Variants in PUM2 observed in about 807,000 individuals in gnomAD.
The protein encoded by PUM2 is pumilio RNA binding family member 2.
Under a neutral mutation model 124.5 loss-of-function variants are expected in PUM2, and 57 were observed. The observed-to-expected ratio is 0.46, with a 90% CI of 0.37 to 0.57. The LOEUF is 0.57. PUM2 is among the 20% of genes least tolerant of loss of function. The probability of loss-of-function intolerance (pLI) is 0.00; values close to 1 mark genes in which losing one functional copy is unlikely to be tolerated. For missense variants in PUM2, 1,065 were observed against 1,290.6 expected, an observed-to-expected ratio of 0.83 and a Z score of 2.68; for synonymous variants, 460 against 446.1, an observed-to-expected ratio of 1.03 and a Z score of -0.39.
intron 7 of PUM2, among the ~76,000 whole-genome samples, chr2:20,307,108 CA>C (rs1678518047): frequency 6.6e-6 from 1 of 151,964 alleles, no homozygotes. Context: ...CCCAGCTACT[CA>C]GAAGGCTGAG....
chr2:20,351,648 G>T (rs11686757), upstream of PUM2, among the ~76,000 whole-genome samples: 20,113 of 152,220 alleles, frequency 0.13, 1,751 homozygotes, highest in East Asian at 0.24. Flanking sequence ...GGTGATTCCA[G>T]GATTCTAACC....
intron 9 of PUM2, among the ~76,000 whole-genome samples, chr2:20,293,363 T>C (rs1674699581): frequency 6.6e-6 from 1 of 152,226 alleles, no homozygotes; most frequent in African/African-American, 2.4e-5. Context: ...TGAAGTGATA[T>C]GATGTCAAAG....
At chr2:20,289,084 A>C (rs961891254) in intron 10 of PUM2, among the ~76,000 whole-genome samples, 1 of 152,074 alleles carries the variant, frequency 6.6e-6, no homozygotes, top group Admixed American at 6.5e-5. Context: ...TGAGGTCAGG[A>C]GTTCAAGACC....
At chr2:20,273,729 A>C (rs937361539) in intron 13 of PUM2, among the ~76,000 whole-genome samples, 2 of 152,188 alleles carry the variant, frequency 1.3e-5, no homozygotes, top group African/African-American at 4.8e-5. Context: ...GATTCTGTTG[A>C]GAGTCGGGTG....
At position 20,256,149 on chromosome 2, in the gene PUM2, C is replaced by T; in HGVS notation, c.2506G>A (p.Asp836Asn). 6.3e-7 allele frequency: 1 copy of T among 1,595,056 alleles called. No homozygotes were observed. The highest frequency in any genetic ancestry group is 8.5e-7 in the Non-Finnish European group (1 of 1,173,828). ...TTCACACATTTGAGCACATGACCATCCAGCTCCTTTACCATTTCACTCTGC... is the reference window on the plus strand; with the variant it reads ...TTCACACATTTGAGCACATGACCATTCAGCTCCTTTACCATTTCACTCTGC... ...DQQSEMVKEL[D>N]GHVLKCVKDQ... Residue 836 changes from aspartate to asparagine, a missense_variant, in exon 17 of 21, where the codon GAT becomes AAT. Asp to Asn is a conservative substitution (Grantham distance 23). Coordinates refer to ENST00000361078, the MANE Select transcript of PUM2 (RefSeq NM_015317.5).
At chr2:20,271,692 T>C (rs1173641657) in intron 13 of PUM2, among the ~76,000 whole-genome samples, 1 of 152,172 alleles carries the variant, frequency 6.6e-6, no homozygotes, top group Non-Finnish European at 1.5e-5. Context: ...TAAAGATCAA[T>C]TGTTAGCAAG....
chr2:20,341,075 T>C (rs1424586564), intron 1 of PUM2, among the ~76,000 whole-genome samples: 1 of 152,222 alleles, frequency 6.6e-6, no homozygotes. Context: ...CCCAACACTT[T>C]GGTTGGCCAA....
chr2:20,298,203 G>A (rs376567119), intron 7 of PUM2, among the ~76,000 whole-genome samples: 1 of 152,216 alleles, frequency 6.6e-6, no homozygotes, highest in African/African-American at 2.4e-5. Flanking sequence ...TCTGGGCACA[G>A]AGAGGAGGAA....
chr2:20,261,660 G>A (rs1666318280), intron 14 of PUM2, among the ~76,000 whole-genome samples: 1 of 152,048 alleles, frequency 6.6e-6, no homozygotes. Flanking sequence ...AAGAAGACAT[G>A]GAGTTAGAAC....
intron 14 of PUM2, among the ~76,000 whole-genome samples, chr2:20,260,778 G>A (rs914875393): frequency 3.3e-5 from 5 of 152,078 alleles, no homozygotes; most frequent in African/African-American, 9.7e-5. Context: ...AATATACAAT[G>A]TATTACTAAA....
chr2:20,288,524 G>A (rs986072660), intron 10 of PUM2, among the ~76,000 whole-genome samples: 1 of 152,148 alleles, frequency 6.6e-6, no homozygotes, highest in African/African-American at 2.4e-5. Context: ...AGGATGAACA[G>A]GCAGAATAGC....
intron 1 of PUM2, among the ~76,000 whole-genome samples, chr2:20,330,037 T>C (rs1001977385): frequency 2.6e-5 from 4 of 151,654 alleles, no homozygotes; most frequent in African/African-American, 4.8e-5. Flanking sequence ...ACAGTCATTA[T>C]AAAAACCCTG....
At chr2:20,266,727 T>C (rs557425301) in intron 13 of PUM2, among the ~76,000 whole-genome samples, 64 of 152,096 alleles carry the variant, frequency 4.2e-4, no homozygotes, top group Non-Finnish European at 2.8e-4. Flanking sequence ...CTATACCCTT[T>C]AAAAATGTCA....
intron 1 of PUM2, among the ~76,000 whole-genome samples, chr2:20,346,463 AC>A (rs1688264874): frequency 6.6e-6 from 1 of 152,078 alleles, no homozygotes; most frequent in African/African-American, 2.4e-5. Context: ...AAAGACCTAT[AC>A]TTAGGGGCAC....
rs200294801 is a variant in PUM2 at position 20,261,394 on chromosome 2, C to CAAAAAAAAAAAA, written c.2226-940_2226-929dup. ...AAGCGACAGAGTGAGACTCTGTCTC[C>CAAAAAAAAAAAA]AAAAAAAAAAAAAAAAAAAAAAAAA... On this transcript the variant is annotated intron_variant, in intron 14 of 20. Transcript: ENST00000361078. 2.2e-3 allele frequency among the ~76,000 whole-genome samples: 165 copies of CAAAAAAAAAAAA among 76,718 alleles called. 33 individuals are homozygous for CAAAAAAAAAAAA. Among genetic ancestry groups the CAAAAAAAAAAAA allele is most frequent in the African/African-American group, 3.5e-3 (61 of 17,422 alleles). The allele number at this position is 76,718 out of a possible 152,430, so 50.3% of individuals were successfully genotyped here.
chr2:20,271,083 G>C (rs1426180502), intron 13 of PUM2, among the ~76,000 whole-genome samples: 1 of 152,054 alleles, frequency 6.6e-6, no homozygotes, highest in East Asian at 1.9e-4. Flanking sequence ...CTCGATGACA[G>C]TGAATAAGGA....
intron 1 of PUM2, among the ~76,000 whole-genome samples, chr2:20,336,444 T>C (rs1313957413): frequency 6.6e-6 from 1 of 151,792 alleles, no homozygotes; most frequent in Non-Finnish European, 1.5e-5. Flanking sequence ...TGCCTTGGCC[T>C]CCCAAAATGC....
chr2:20,264,065 G>A (rs990835560), intron 13 of PUM2, among the ~76,000 whole-genome samples: 3 of 151,568 alleles, frequency 2.0e-5, no homozygotes, highest in Non-Finnish European at 4.4e-5. Flanking sequence ...AAGGTTGGGC[G>A]TCGTGGCTCA....
intron 13 of PUM2, among the ~76,000 whole-genome samples, chr2:20,264,371 T>TATATATATAC (rs1553362359): frequency 1.2e-4 from 6 of 52,028 alleles, no homozygotes; most frequent in African/African-American, 4.8e-4. Flanking sequence ...AAAAAAAATA[T>TATATATATAC]ATATATATAT....
Sources: gnomAD v4.1 joint callset for allele counts (sites outside exome capture counted in the v4.1 genomes callset) on GRCh38, gnomAD v4.1.1 for gene constraint, MANE v1.5 for transcripts, NCBI Gene and HGNC (gene_info 2026-07-23, HGNC 2026-07-21) for gene names.